EYA1: variants seen among roughly 807,000 people sequenced by gnomAD.
EYA1 encodes the protein EYA transcriptional coactivator and phosphatase 1.
EYA1 carries 16 observed loss-of-function variants against 82.0 expected under a neutral mutation model. That is an observed-to-expected ratio of 0.20 (90% CI 0.13 to 0.30). The LOEUF (loss-of-function observed/expected upper bound fraction) is 0.30. Among genes scored for constraint, EYA1 ranks in the 10% least tolerant of loss-of-function variants. EYA1 has a pLI of 1.00. For synonymous variants in EYA1, 261 were observed against 264.4 expected (o/e 0.99, Z 0.12); for missense variants, 633 against 730.7 (o/e 0.87, Z 1.54).
At chr8:71,499,449 G>A (rs1811657977) in intron 2 of EYA1, among the ~76,000 whole-genome samples, 1 of 152,150 alleles carries the variant, frequency 6.6e-6, no homozygotes, top group Non-Finnish European at 1.5e-5. Context: ...GAACTTACTA[G>A]AAAGAGTTCA....
At chr8:71,285,853 T>C (rs1289385311) in intron 9 of EYA1, among the ~76,000 whole-genome samples, 1 of 152,226 alleles carries the variant, frequency 6.6e-6, no homozygotes, top group East Asian at 1.9e-4. Flanking sequence ...TCTTGTTGAA[T>C]ACAACCTTTT....
At chr8:71,381,323 A>G (rs762020935) in intron 2 of EYA1, among the ~76,000 whole-genome samples, 5 of 152,208 alleles carry the variant, frequency 3.3e-5, no homozygotes, top group Non-Finnish European at 5.9e-5. Context: ...CTTTCAGACA[A>G]ATTTCGATGG....
chr8:71,381,441 A>ACGC (rs567715254), intron 2 of EYA1, among the ~76,000 whole-genome samples: 152 of 152,274 alleles, frequency 1.0e-3, no homozygotes, highest in African/African-American at 3.5e-3. Context: ...AGGAGATGAA[A>ACGC]CGCCGGTGGA....
At chr8:71,375,848 C>G (rs6988426) in intron 2 of EYA1, among the ~76,000 whole-genome samples, 2,068 of 152,166 alleles carry the variant, frequency 0.014, 47 homozygotes, top group African/African-American at 0.046. Context: ...AGGCTGGTCT[C>G]GAACTCCTGA....
chr8:71,542,854 A>C (rs565180356), intron 1 of EYA1, among the ~76,000 whole-genome samples: 1 of 152,088 alleles, frequency 6.6e-6, no homozygotes, highest in Admixed American at 6.6e-5. Context: ...GGCTACATGT[A>C]TGTCTTTGGA....
At chr8:71,414,857 TG>T (rs1830777254) in intron 2 of EYA1, among the ~76,000 whole-genome samples, 2 of 152,244 alleles carry the variant, frequency 1.3e-5, no homozygotes, top group Admixed American at 1.3e-4. Context: ...AAAATCTTTA[TG>T]TGATTCTTCC....
At chr8:71,341,241 A>G (rs1825093699) in intron 3 of EYA1, among the ~76,000 whole-genome samples, 1 of 152,178 alleles carries the variant, frequency 6.6e-6, no homozygotes. Context: ...ATTGCTGCAA[A>G]TAAGCCTTAA....
At chr8:71,268,955 A>C (rs1356390570) in intron 11 of EYA1, among the ~76,000 whole-genome samples, 3 of 152,232 alleles carry the variant, frequency 2.0e-5, no homozygotes, top group African/African-American at 7.2e-5. Flanking sequence ...ACTTAAAAAA[A>C]CCTAAGACTT....
At chr8:71,278,604 T>C (rs1431521508) in intron 9 of EYA1, among the ~76,000 whole-genome samples, 1 of 152,228 alleles carries the variant, frequency 6.6e-6, no homozygotes, top group Non-Finnish European at 1.5e-5. Flanking sequence ...AATATTCCTT[T>C]ATTGATTTAT....
intron 2 of EYA1, among the ~76,000 whole-genome samples, chr8:71,527,882 T>C (rs1001249305): frequency 2.6e-5 from 4 of 152,198 alleles, no homozygotes; most frequent in African/African-American, 9.7e-5. Flanking sequence ...CTTTATAGAA[T>C]AAATTAATTG....
At chr8:71,402,456 A>G (rs1450666683) in intron 2 of EYA1, among the ~76,000 whole-genome samples, 2 of 152,254 alleles carry the variant, frequency 1.3e-5, no homozygotes, top group Admixed American at 6.5e-5. Flanking sequence ...ATTAAGTAGT[A>G]TAGACCCAAA....
chr8:71,296,226 T>C (rs910945846), intron 9 of EYA1, among the ~76,000 whole-genome samples: 1 of 152,146 alleles, frequency 6.6e-6, no homozygotes, highest in Non-Finnish European at 1.5e-5. Flanking sequence ...CAAAGGGTAA[T>C]AAAGCTTTGA....
intron 2 of EYA1, among the ~76,000 whole-genome samples, chr8:71,505,988 ACTCTCTCCTG>A (rs1394671185): frequency 6.6e-6 from 1 of 151,744 alleles, no homozygotes. Context: ...ACACACTCAT[ACTCTCTCCTG>A]CTGCCTTGTG....
At chr8:71,225,419 C>T (rs1220475742) in intron 12 of EYA1, 1 of 384,798 alleles carries the variant, frequency 2.6e-6, no homozygotes, top group African/African-American at 2.1e-5. Context: ...CTGGCCTTCA[C>T]ACCATGATGC....
chr8:71,337,963 G>A (rs1824688388), intron 3 of EYA1, among the ~76,000 whole-genome samples: 2 of 152,202 alleles, frequency 1.3e-5, no homozygotes, highest in Admixed American at 6.5e-5. Flanking sequence ...GAATACTCAG[G>A]TGAGAATAAA....
chr8:71,323,951 C>T (rs1319337557), intron 4 of EYA1: 2 of 152,208 alleles, frequency 1.3e-5, no homozygotes, highest in Middle Eastern at 3.2e-3. Flanking sequence ...GTAACATGGA[C>T]TTACCCAGCA....
At chr8:71,199,605 T>C (rs1051404681) in intron 17 of EYA1, among the ~76,000 whole-genome samples, 185 bp from the exon 18 acceptor site, 4 of 152,204 alleles carry the variant, frequency 2.6e-5, no homozygotes, top group African/African-American at 9.6e-5. Context: ...AATACTGGAC[T>C]GAGTTGTAAA....
At chr8:71,534,029 C>A (rs1357603806) in intron 2 of EYA1, among the ~76,000 whole-genome samples, 1 of 152,112 alleles carries the variant, frequency 6.6e-6, no homozygotes, top group Admixed American at 6.5e-5. Context: ...TTATTTTAGT[C>A]TCAAATCTTA....
chr8:71,525,699 G>A (rs1465841136), intron 2 of EYA1, among the ~76,000 whole-genome samples: 1 of 152,094 alleles, frequency 6.6e-6, no homozygotes, highest in African/African-American at 2.4e-5. Flanking sequence ...CGTGGTGTTT[G>A]TTTTTAGGTT....
Sources: allele counts gnomAD v4.1 joint callset (sites outside exome capture counted in the v4.1 genomes callset), GRCh38; gene constraint gnomAD v4.1.1; transcripts MANE v1.5; gene names NCBI Gene and HGNC (gene_info 2026-07-23, HGNC 2026-07-21).